The following AGBL4 variants were observed in gnomAD, a reference collection of about 807,000 sequenced individuals.
AGBL4 encodes AGBL carboxypeptidase 4, also known as cytosolic carboxypeptidase 6.
AGBL4 carries 58 observed loss-of-function variants against 66.4 expected under a neutral mutation model. The ratio of observed to expected loss-of-function variants is 0.87; its 90% confidence interval spans 0.71 to 1.09. The LOEUF is 1.09. Ranked by LOEUF, AGBL4 falls within the 50% of genes least tolerant of loss-of-function variation. The probability of loss-of-function intolerance (pLI) is 0.00; values close to 1 mark genes in which losing one functional copy is unlikely to be tolerated. For synonymous variants in AGBL4, 234 were observed against 222.9 expected, an observed-to-expected ratio of 1.05 and a Z score of -0.44; for missense variants, 579 against 631.0, an observed-to-expected ratio of 0.92 and a Z score of 0.88.
chr1:48,649,704 C>T (rs1645896687), intron 8 of AGBL4, among the ~76,000 whole-genome samples: 1 of 152,134 alleles, frequency 6.6e-6, no homozygotes, highest in African/African-American at 2.4e-5. Flanking sequence ...TAAATCTAAA[C>T]TTAGCTGATG....
intron 9 of AGBL4, among the ~76,000 whole-genome samples, chr1:48,599,575 G>A (rs1308737057): frequency 1.3e-5 from 2 of 152,216 alleles, no homozygotes; most frequent in Admixed American, 6.5e-5. Context: ...GGTGGTGGTA[G>A]AGGTGAGAAG....
chr1:49,550,399 T>G (rs2148836786), intron 3 of AGBL4, among the ~76,000 whole-genome samples: 1 of 152,326 alleles, frequency 6.6e-6, no homozygotes, highest in Non-Finnish European at 1.5e-5. Flanking sequence ...ATAAGTCCTG[T>G]GTGATTTATG....
intron 6 of AGBL4, among the ~76,000 whole-genome samples, chr1:48,748,321 C>T (rs1651090766): frequency 6.6e-6 from 1 of 152,188 alleles, no homozygotes; most frequent in South Asian, 2.1e-4. Context: ...ATTAGTCTTC[C>T]AGTGAAAGCA....
At chr1:49,702,333 A>T (rs1226743395) in intron 2 of AGBL4, among the ~76,000 whole-genome samples, 1 of 152,112 alleles carries the variant, frequency 6.6e-6, no homozygotes, top group African/African-American at 2.4e-5. Flanking sequence ...TCTACTAAAA[A>T]TACAAAAATT....
intron 3 of AGBL4, among the ~76,000 whole-genome samples, chr1:49,331,324 G>T (rs1432432151): frequency 6.6e-6 from 1 of 152,098 alleles, no homozygotes; most frequent in East Asian, 1.9e-4. Context: ...CACCTCACAA[G>T]ATAAGACCAA....
At chr1:49,936,463 T>C (rs1654038002) in intron 1 of AGBL4, among the ~76,000 whole-genome samples, 2 of 152,010 alleles carry the variant, frequency 1.3e-5, no homozygotes, top group Non-Finnish European at 2.9e-5. Context: ...CAGGCCAACA[T>C]TCAGATTCAG....
intron 11 of AGBL4, among the ~76,000 whole-genome samples, chr1:48,546,569 T>C (rs902246070): frequency 1.3e-5 from 2 of 151,408 alleles, no homozygotes; most frequent in African/African-American, 4.9e-5. Flanking sequence ...CCGCGTAGAG[T>C]GGAAGGTGAC....
chr1:49,981,470 T>C (rs550954595), intron 1 of AGBL4, among the ~76,000 whole-genome samples: 1 of 152,226 alleles, frequency 6.6e-6, no homozygotes, highest in East Asian at 1.9e-4. Context: ...CAACTATGGA[T>C]TCAGACTGCT....
At chr1:49,598,016 C>G (rs539685427) in intron 3 of AGBL4, among the ~76,000 whole-genome samples, 2 of 152,186 alleles carry the variant, frequency 1.3e-5, no homozygotes, top group Admixed American at 6.5e-5. Context: ...ATTTCTTTCT[C>G]TTGCCTGATT....
chr1:49,836,193 C>A (rs1645844811), intron 2 of AGBL4, among the ~76,000 whole-genome samples: 1 of 152,086 alleles, frequency 6.6e-6, no homozygotes, highest in Admixed American at 6.5e-5. Flanking sequence ...TTCCATTCTC[C>A]CCATCACTTT....
rs143129970 is a variant in AGBL4, at chr1:49,399,724, C to T, written c.283-153860G>A. ...TTTCTTTCCTACAGAGTTGTTTGAG[C>T]TCCTTTTATATTCTGGTTATTAATC... is the stretch of plus-strand genomic sequence containing the variant. On this transcript the variant is annotated intron_variant, in intron 3 of 13. Transcript: ENST00000371839. Among the ~76,000 whole-genome samples the T allele has an allele frequency of 5.8e-3, 886 of 152,082 alleles. 6 individuals are homozygous for T. The highest frequency in any genetic ancestry group is 0.021 in the African/African-American group (853 of 41,496).
intron 5 of AGBL4, among the ~76,000 whole-genome samples, chr1:48,945,358 T>A (rs1656408465): frequency 6.6e-6 from 1 of 152,054 alleles, no homozygotes; most frequent in South Asian, 2.1e-4. Context: ...CAACATTCTA[T>A]CCCACAACAA....
At chr1:48,642,233 C>T (rs1409893768) in intron 8 of AGBL4, among the ~76,000 whole-genome samples, 1 of 152,152 alleles carries the variant, frequency 6.6e-6, no homozygotes, top group African/African-American at 2.4e-5. Flanking sequence ...TTTCTTCTTC[C>T]AAGGTTCATT....
intron 3 of AGBL4, among the ~76,000 whole-genome samples, chr1:49,643,177 A>T (rs1282301917): frequency 1.3e-5 from 2 of 151,948 alleles, no homozygotes; most frequent in African/African-American, 4.8e-5. Context: ...GATAAAAAAT[A>T]CACCAAACGG....
At chr1:48,980,738 TATATATATATATATATATATATATATATA>T (rs1659694267) in intron 5 of AGBL4, among the ~76,000 whole-genome samples, 1 of 3,796 alleles carries the variant, frequency 2.6e-4, no homozygotes, top group African/African-American at 7.3e-4. Flanking sequence ...TATATATATA[TATATATATATATATATATATATATATATA>T]TATATATATA....
intron 3 of AGBL4, among the ~76,000 whole-genome samples, chr1:49,283,172 C>T (rs572717171): frequency 0.014 from 2,178 of 152,304 alleles, 59 homozygotes; most frequent in African/African-American, 0.05. Context: ...AGCTGGAGAT[C>T]TGAGAACGGG....
chr1:49,992,498 C>A (rs1287221607), intron 1 of AGBL4, among the ~76,000 whole-genome samples: 2 of 151,546 alleles, frequency 1.3e-5, no homozygotes, highest in Non-Finnish European at 2.9e-5. Context: ...GGATAATGGC[C>A]ACAAAACAGC....
intron 2 of AGBL4, among the ~76,000 whole-genome samples, chr1:49,756,154 A>G (rs1651870724): frequency 6.6e-6 from 1 of 152,176 alleles, no homozygotes; most frequent in Non-Finnish European, 1.5e-5. Context: ...TTTAAATAAG[A>G]TATTTTGACT....
chr1:49,084,843 C>A (rs955318011), intron 4 of AGBL4, among the ~76,000 whole-genome samples: 1 of 152,154 alleles, frequency 6.6e-6, no homozygotes, highest in Non-Finnish European at 1.5e-5. Flanking sequence ...GACAGCCACA[C>A]GCCTTGGTCT....
Sources: gnomAD v4.1 joint callset for allele counts (sites outside exome capture counted in the v4.1 genomes callset) on GRCh38, gnomAD v4.1.1 for gene constraint, MANE v1.5 for transcripts, NCBI Gene and HGNC (gene_info 2026-07-23, HGNC 2026-07-21) for gene names.